Variants in RAPGEF4 observed in about 807,000 individuals in gnomAD.
The protein encoded by RAPGEF4 is Rap guanine nucleotide exchange factor 4.
In RAPGEF4, 66 loss-of-function variants were observed where a neutral mutation model predicts 147.9. The ratio of observed to expected loss-of-function variants is 0.45; its 90% CI spans 0.37 to 0.55. The LOEUF is 0.55. Among genes scored for constraint, RAPGEF4 ranks in the 20% least tolerant of loss-of-function variants. The pLI is 0.00. For synonymous variants in RAPGEF4, 419 were observed against 442.7 expected (o/e 0.95, Z 0.67); for missense variants, 1,071 against 1,257.3 (o/e 0.85, Z 2.24).
At chr2:172,802,114 G>T (rs1001457923) in intron 3 of RAPGEF4, among the ~76,000 whole-genome samples, 1 of 152,166 alleles carries the variant, frequency 6.6e-6, no homozygotes, top group Non-Finnish European at 1.5e-5. Context: ...AGAAAGGGAG[G>T]CTCCTGACTT....
At chr2:172,843,906 C>A (rs1691885172) in intron 4 of RAPGEF4, among the ~76,000 whole-genome samples, 1 of 152,202 alleles carries the variant, frequency 6.6e-6, no homozygotes. Context: ...AGGAATTGTT[C>A]ACAGAAGTAG....
At chr2:172,803,336 C>T (rs1256903790) in intron 3 of RAPGEF4, among the ~76,000 whole-genome samples, 1 of 152,212 alleles carries the variant, frequency 6.6e-6, no homozygotes, top group African/African-American at 2.4e-5. Context: ...TTCTTGACTT[C>T]TGTACATCTG....
intron 1 of RAPGEF4, among the ~76,000 whole-genome samples, chr2:172,760,717 C>CA (rs768839615): frequency 0.032 from 2,340 of 74,036 alleles, 60 homozygotes; most frequent in African/African-American, 0.09. Flanking sequence ...GACTCCATCT[C>CA]AAAAAAAAAA....
chr2:172,917,931 T>C, intron 5 of RAPGEF4, 57 bp downstream of exon 5: 3 of 1,456,070 alleles, frequency 2.1e-6, no homozygotes, highest in Admixed American at 1.7e-5. Flanking sequence ...GTATGTGTTT[T>C]CATGTGACAA....
At chr2:172,951,549 A>G (rs1191352870) in intron 6 of RAPGEF4, among the ~76,000 whole-genome samples, 1 of 152,188 alleles carries the variant, frequency 6.6e-6, no homozygotes, top group Non-Finnish European at 1.5e-5. Flanking sequence ...AGTGCCAGAT[A>G]TGGGGCAGGG....
chr2:172,924,385 G>A lies in RAPGEF4; in HGVS notation c.537+2085G>A, dbSNP rs80196851. 8.3e-3 allele frequency among the ~76,000 whole-genome samples: 1,261 copies of A among 152,326 alleles called. 8 individuals are homozygous for A. The highest frequency in any genetic ancestry group is 0.014 in the Non-Finnish European group (943 of 68,034). On this transcript the variant is annotated intron_variant, in intron 6 of 30. Transcript: ENST00000397081. ...TTAAAGTTTGCAGAACAATGAGCTC[G>A]TCAGATACAATGAACTGTTAGCATG...
chr2:172,811,642 C>T (rs1390126621), intron 3 of RAPGEF4, among the ~76,000 whole-genome samples: 4 of 152,152 alleles, frequency 2.6e-5, no homozygotes, highest in African/African-American at 4.8e-5. Context: ...CAGCAGCAGG[C>T]GAAGGCAGGC....
intron 1 of RAPGEF4, 92 bp downstream of exon 1, chr2:172,736,140 G>C (rs1693738421): frequency 1.9e-6 from 2 of 1,074,374 alleles, no homozygotes; most frequent in African/African-American, 1.7e-5. Context: ...GCGCAGCGCG[G>C]CCGGGCTGCG....
intron 10 of RAPGEF4, among the ~76,000 whole-genome samples, chr2:172,974,567 C>T (rs1041986295): frequency 1.2e-4 from 18 of 152,042 alleles, no homozygotes; most frequent in Non-Finnish European, 4.4e-5. Flanking sequence ...GCCTGTAATC[C>T]CAGCTATCAG....
rs555373042 is a variant in RAPGEF4 at position 172,764,722 on chromosome 2, G to C, written c.65+28674G>C. The stretch of plus-strand genomic sequence containing the variant: ...ACTACTTTGAGAGCCATACCCTTAT[G>C]ACGTGTCTACACAGTATCTAAGGTG... On this transcript the variant is annotated intron_variant, in intron 1 of 30. Transcript: ENST00000397081. Among the ~76,000 whole-genome samples, 4 of 152,262 alleles carry C rather than the reference G, an allele frequency of 2.6e-5. No individual in the cohort carries two copies. In the South Asian group the frequency reaches 8.3e-4, roughly 32 times the overall value.
chr2:172,977,977 T>C (rs1691263348), intron 10 of RAPGEF4, among the ~76,000 whole-genome samples: 1 of 152,142 alleles, frequency 6.6e-6, no homozygotes, highest in East Asian at 1.9e-4. Context: ...TTGCTGTGCT[T>C]CTCTTTTTTT....
At chr2:173,017,689 C>T (rs963401797) in intron 21 of RAPGEF4, among the ~76,000 whole-genome samples, 185 bp downstream of exon 21, 7 of 152,134 alleles carry the variant, frequency 4.6e-5, no homozygotes, top group Admixed American at 4.6e-4. Context: ...TGCCTGAAGC[C>T]GAGATGCCTG....
At chr2:172,954,298 T>C (rs1416865453) in intron 6 of RAPGEF4, among the ~76,000 whole-genome samples, 1 of 152,200 alleles carries the variant, frequency 6.6e-6, no homozygotes, top group Non-Finnish European at 1.5e-5. Context: ...CTCTGGATTT[T>C]CCTGTCTCTC....
intron 1 of RAPGEF4, among the ~76,000 whole-genome samples, chr2:172,794,359 A>AAG (rs1553510699): frequency 6.6e-6 from 1 of 151,074 alleles, no homozygotes; most frequent in Non-Finnish European, 1.5e-5. Flanking sequence ...AAAAAAAAAA[A>AAG]AAAAAAGAAA....
intron 1 of RAPGEF4, among the ~76,000 whole-genome samples, chr2:172,779,366 C>T (rs571874979): frequency 1.3e-5 from 2 of 152,240 alleles, no homozygotes; most frequent in South Asian, 4.2e-4. Flanking sequence ...GAGAGTTTTG[C>T]TCTGCCTTAC....
chr2:172,878,766 G>A lies in RAPGEF4; in HGVS notation c.445-39036G>A, dbSNP rs938819728. 2.6e-5 allele frequency among the ~76,000 whole-genome samples: 4 copies of A among 152,234 alleles called. No homozygotes were observed. The South Asian group carries it at 6.2e-4, about 24-fold the overall frequency. ...AAAATGGGCAACAATGTGTATAGGC[G>A]ATTCACAAAGAAAGGAATATATTTC... On this transcript the variant is annotated intron_variant, in intron 4 of 30. Coordinates refer to ENST00000397081, the MANE Select transcript of RAPGEF4 (RefSeq NM_007023.4).
rs114230228 is a variant in RAPGEF4, at chr2:172,777,544, A to G, written c.66-17481A>G. Among the ~76,000 whole-genome samples, 1,015 of 152,242 alleles carry G rather than the reference A, an allele frequency of 6.7e-3. 12 individuals are homozygous for G. Among genetic ancestry groups the G allele is most frequent in the African/African-American group, 0.023 (970 of 41,540 alleles). On this transcript the variant is annotated intron_variant, in intron 1 of 30. Coordinates refer to ENST00000397081, the MANE Select transcript of RAPGEF4 (RefSeq NM_007023.4). ...TTGTCTGCCACATCTCTCCATGAGT[A>G]TTGGTCTACACATGTGCAGCTAATA...
chr2:172,860,355 A>G, intron 4 of RAPGEF4: 2 of 979,598 alleles, frequency 2.0e-6, no homozygotes, highest in Non-Finnish European at 2.4e-6. Context: ...ATATACAGGG[A>G]GCTTGTTTCT....
At chr2:173,023,189 C>T (rs886709351) in intron 23 of RAPGEF4, among the ~76,000 whole-genome samples, 4 of 152,208 alleles carry the variant, frequency 2.6e-5, no homozygotes, top group African/African-American at 9.7e-5. Flanking sequence ...CTCTTTGTCA[C>T]TGACAATCCA....
Sources: gnomAD v4.1 joint callset for allele counts (sites outside exome capture counted in the v4.1 genomes callset) on GRCh38, gnomAD v4.1.1 for gene constraint, MANE v1.5 for transcripts, NCBI Gene and HGNC (gene_info 2026-07-23, HGNC 2026-07-21) for gene names.